The following CIITA variants were observed in gnomAD, a reference collection of about 807,000 sequenced individuals.
CIITA encodes the protein class II major histocompatibility complex transactivator.
A neutral mutation model predicts 115.1 loss-of-function variants in CIITA; 72 were observed. The ratio of observed to expected loss-of-function variants is 0.63; its 90% confidence interval spans 0.52 to 0.76. CIITA has a LOEUF of 0.76. Ranked by LOEUF, CIITA falls within the 30% of genes least tolerant of loss-of-function variation. The probability of loss-of-function intolerance (pLI) is 0.00; values close to 1 mark genes in which losing one functional copy is unlikely to be tolerated. For synonymous variants in CIITA, 763 were observed against 635.6 expected (o/e 1.20, Z -3.02); for missense variants, 1,617 against 1,463.8 (o/e 1.10, Z -1.71).
chr16:10,905,528 A>G (rs908470259), intron 10 of CIITA, among the ~76,000 whole-genome samples: 1 of 152,218 alleles, frequency 6.6e-6, no homozygotes, highest in Non-Finnish European at 1.5e-5. Flanking sequence ...TGGGAGGCCA[A>G]GGCAGGTGGA....
At position 10,907,259 on chromosome 16, in the gene CIITA, G is replaced by T; in HGVS notation, c.1767G>T (p.Glu589Asp). Residue 589 changes from glutamate (E) to aspartate (D), a missense_variant, in exon 11 of 20, where the codon GAG becomes GAT. Coordinates refer to ENST00000324288, the MANE Select transcript of CIITA (RefSeq NM_000246.4). The surrounding 1 kb of genome is among the most constrained non-coding windows in gnomAD (Gnocchi z 5.0). ...MRYFESSGMT[E>D]HQDRALTLLR... is the part of the protein sequence containing the mutation. Reference sequence around the variant, plus strand: ...ACTTTGAGAGCTCAGGGATGACAGAGCACCAAGACAGAGCCCTGACGCTCC... The same window carrying T: ...ACTTTGAGAGCTCAGGGATGACAGATCACCAAGACAGAGCCCTGACGCTCC... 1 of 1,613,548 alleles carries T rather than the reference G, an allele frequency of 6.2e-7. No individual in the cohort carries two copies. Among genetic ancestry groups the T allele is most frequent in the Non-Finnish European group, 8.5e-7 (1 of 1,180,014 alleles).
In CIITA at chr16:10,907,334, C is replaced by T. The variant is rs201489439; in HGVS notation, c.1842C>T (p.Cys614=). 1.1e-5 allele frequency: 18 copies of T among 1,613,546 alleles called. No individual in the cohort carries two copies. The East Asian group carries it at 3.8e-4, about 34-fold the overall frequency. ...GTCACAGCCACAGCCCTACTTTGTG[C>T]CGGGCAGTGTGCCAGCTCTCAGAGG... ...LLSHSHSPTL[C]RAVCQLSEAL... The change falls in exon 11 of 20, where the codon TGC becomes TGT. Residue 614 remains cysteine (C), a synonymous_variant. Transcript: ENST00000324288. This position sits in a 1 kb window ranked among gnomAD's most constrained non-coding sequence, Gnocchi z 5.0.
chr16:10,904,957 A>G, intron 10 of CIITA, 145 bp downstream of exon 10: 1 of 849,934 alleles, frequency 1.2e-6, no homozygotes. Context: ...TCATTCATTC[A>G]CTTATTTGAT....
intron 7 of CIITA, among the ~76,000 whole-genome samples, chr16:10,902,412 A>G (rs1567406520): frequency 6.6e-6 from 1 of 152,262 alleles, no homozygotes. Flanking sequence ...TCAGGAGGGA[A>G]TCTCCACCAA....
At position 10,907,383 on chromosome 16, in the gene CIITA, G is replaced by A. The variant is rs776090698; in HGVS notation, c.1891G>A (p.Ala631Thr). 2.2e-5 allele frequency: 35 copies of A among 1,613,220 alleles called. No individual in the cohort carries two copies. The highest frequency in any genetic ancestry group is 8.3e-5 in the Admixed American group (5 of 59,994). ...SEALLELGED[A>T]KLPSTLTGLY... ...GGCCCTGCTGGAGCTTGGGGAGGAC[G>A]CCAAGCTGCCCTCCACGCTCACGGG... The change falls in exon 11 of 20, where the codon GCC (alanine) becomes ACC (threonine). Residue 631 changes from alanine to threonine, a missense_variant. Transcript: ENST00000324288. This position sits in a 1 kb window ranked among gnomAD's most constrained non-coding sequence, Gnocchi z 5.0.
In CIITA at chr16:10,915,585, A is replaced by C; in HGVS notation, c.2904A>C (p.Ser968=). The C allele has an allele frequency of 6.2e-7, 1 of 1,614,074 alleles. No individual in the cohort carries two copies. Among genetic ancestry groups the C allele is most frequent in the African/African-American group, 1.3e-5 (1 of 75,032 alleles). ...KKLEFALGPV[S]GPQAFPKLVR... Reference sequence around the variant, plus strand: ...TGCCTCCTAGGCTGGGCCCTGTCTCAGGCCCCCAGGCTTTCCCCAAACTGG... The same window carrying C: ...TGCCTCCTAGGCTGGGCCCTGTCTCCGGCCCCCAGGCTTTCCCCAAACTGG... Residue 968 remains serine, a synonymous_variant, in exon 14 of 20, where the codon TCA becomes TCC. Coordinates refer to ENST00000324288, the MANE Select transcript of CIITA (RefSeq NM_000246.4).
At position 10,909,064 on chromosome 16, in the gene CIITA, C is replaced by A. The variant is rs556056140; in HGVS notation, c.2693C>A (p.Ser898Tyr). Reference protein sequence around the residue: ...ALSDTVALWESLQQHGETKLL... With the variant: ...ALSDTVALWEYLQQHGETKLL... The stretch of plus-strand genomic sequence containing the variant: ...AGCGACACGGTGGCGCTGTGGGAGT[C>A]CCTGCAGCAGCATGGGGAGACCAAG... The change falls in exon 12 of 20, where the codon TCC (serine) becomes TAC (tyrosine). Residue 898 changes from serine (S) to tyrosine (Y), a missense_variant. Transcript: ENST00000324288. The A allele has an allele frequency of 1.3e-5, 21 of 1,614,032 alleles. No homozygotes were observed. The East Asian group carries it at 3.1e-4, about 24-fold the overall frequency.
intron 18 of CIITA, 23 bp downstream of exon 18, chr16:10,922,513 G>A (rs936252565): frequency 1.9e-6 from 3 of 1,611,826 alleles, no homozygotes; most frequent in African/African-American, 2.7e-5. Flanking sequence ...AACCCTGGTG[G>A]GTGGAGAACA....
At position 10,902,086 on chromosome 16, in the gene CIITA, G is replaced by A. The variant is rs767378693; in HGVS notation, c.530G>A (p.Ser177Asn). 1 of 1,614,178 alleles carries A rather than the reference G, an allele frequency of 6.2e-7. No homozygotes were observed. Among genetic ancestry groups the A allele is most frequent in the Non-Finnish European group, 8.5e-7 (1 of 1,180,028 alleles). The change falls in exon 7 of 20, where the codon AGC becomes AAC. Residue 177 changes from serine (S) to asparagine (N), a missense_variant. Physicochemically the swap from Ser to Asn is conservative, Grantham distance 46 (BLOSUM62 1). Transcript: ENST00000324288. ...VTGSLLVGPV[S>N]DCSTLPCLPL... ...GGCAGTCTCCTAGTGGGACCAGTGA[G>A]CGACTGCTCCACCCTGCCCTGCCTG... is the stretch of plus-strand genomic sequence containing the variant.
chr16:10,916,666 T>C, intron 15 of CIITA: 1 of 597,082 alleles, frequency 1.7e-6, no homozygotes. Flanking sequence ...GCTGGGATTA[T>C]AGGTGTGACT....
intron 15 of CIITA, 132 bp from the exon 16 acceptor site, chr16:10,918,308 T>A (rs2040072075): frequency 7.0e-6 from 6 of 857,458 alleles, no homozygotes; most frequent in Non-Finnish European, 1.2e-5. Flanking sequence ...AACAGTATCC[T>A]CCTATTTACC....
At chr16:10,883,464 A>C (rs150359602) in intron 1 of CIITA, among the ~76,000 whole-genome samples, 32 of 152,186 alleles carry the variant, frequency 2.1e-4, no homozygotes, top group African/African-American at 7.7e-4. Context: ...ACCCACAATA[A>C]CTTTACCCTT....
chr16:10,881,480 GTC>G (rs1467831233), intron 1 of CIITA, among the ~76,000 whole-genome samples: 1 of 152,174 alleles, frequency 6.6e-6, no homozygotes, highest in East Asian at 1.9e-4. Flanking sequence ...CAAGGACAAA[GTC>G]TCTGATTTTC....
chr16:10,875,190 C>T (rs762035067), upstream of CIITA, among the ~76,000 whole-genome samples: 7 of 152,190 alleles, frequency 4.6e-5, no homozygotes, highest in Non-Finnish European at 1.0e-4. Context: ...AACTCCTGAC[C>T]TCAAATGATC....
chr16:10,937,343 C>T (rs2041042995), downstream of CIITA: 1 of 152,360 alleles, frequency 6.6e-6, no homozygotes, highest in East Asian at 1.9e-4. The surrounding 1 kb of genome is among the most constrained non-coding windows in gnomAD (Gnocchi z 4.2). Flanking sequence ...TCAAATCTGA[C>T]TGTGTCCCTG....
chr16:10,866,645 G>C, intron 1 of CIITA: 1 of 402,504 alleles, frequency 2.5e-6, no homozygotes, highest in Non-Finnish European at 4.9e-6. Flanking sequence ...CCTCCTCTCT[G>C]AAAGGGAAGT....
At position 10,866,320 on chromosome 16, in the gene CIITA, G is replaced by T. The variant is rs563543500; in HGVS notation, c.-21+1G>T. On this transcript the variant is annotated splice_donor_variant, in intron 1 of 5. Transcript: ENST00000636238. LOFTEE classifies it low-confidence loss of function (5UTR_SPLICE). ...CAACTTCCAGGCCATCCTGACTCAG[G>T]TGAGAATGCTGCTCTCCAGCCATCA... is the stretch of plus-strand genomic sequence containing the variant. 3 of 569,438 alleles carry T rather than the reference G, an allele frequency of 5.3e-6. No homozygotes were observed. The highest frequency in any genetic ancestry group is 4.2e-5 in the South Asian group (3 of 71,876). 35.3% of individuals were successfully genotyped at this position (569,438 alleles called of 1,614,324 possible). A position where few individuals can be genotyped will look rare whatever the true frequency, so the allele number is the denominator to read the frequency against.
In CIITA at chr16:10,884,090, T is replaced by A. The variant is rs189447293; in HGVS notation, c.52+6708T>A. ...GGGTTTGGACAGATACATGATGTAA[T>A]GTATATGACATTATAGTATCACACA... On this transcript the variant is annotated intron_variant, in intron 1 of 19. Coordinates refer to ENST00000324288, the MANE Select transcript of CIITA (RefSeq NM_000246.4). Among the ~76,000 whole-genome samples the A allele has an allele frequency of 7.3e-5, 10 of 137,374 alleles. No individual in the cohort carries two copies. The East Asian group carries it at 3.6e-3, about 50-fold the overall frequency. 90.1% of individuals were successfully genotyped at this position (137,374 alleles called of 152,430 possible).
intron 3 of CIITA, among the ~76,000 whole-genome samples, chr16:10,897,782 C>T (rs2038282520): frequency 6.7e-6 from 1 of 149,670 alleles, no homozygotes; most frequent in African/African-American, 2.6e-5. Context: ...TACCCCACAA[C>T]CACCGTTATC....
Sources: allele counts gnomAD v4.1 joint callset (sites outside exome capture counted in the v4.1 genomes callset), GRCh38; gene constraint gnomAD v4.1.1; non-coding constraint Gnocchi (gnomAD v3.1); transcripts MANE v1.5; gene names NCBI Gene and HGNC (gene_info 2026-07-23, HGNC 2026-07-21).